The following HIP1 variants were observed in gnomAD, a reference collection of about 807,000 sequenced individuals.
HIP1 encodes huntingtin-interacting protein 1.
A neutral mutation model predicts 147.6 loss-of-function variants in HIP1; 65 were observed. That is an observed-to-expected ratio of 0.44 (90% confidence interval 0.36 to 0.54). HIP1 has a LOEUF of 0.54. Among genes scored for constraint, HIP1 ranks in the 20% least tolerant of loss-of-function variants. The probability of loss-of-function intolerance (pLI) is 0.00; values close to 1 mark genes in which losing one functional copy is unlikely to be tolerated. For missense variants in HIP1, 1,061 were observed against 1,299.6 expected, an observed-to-expected ratio of 0.82 and a Z score of 2.82; for synonymous variants, 479 against 504.0, an observed-to-expected ratio of 0.95 and a Z score of 0.67.
intron 1 of HIP1, among the ~76,000 whole-genome samples, chr7:75,704,017 C>T (rs1259226579): frequency 6.6e-6 from 1 of 152,236 alleles, no homozygotes; most frequent in African/African-American, 2.4e-5. Flanking sequence ...ACTCATGCAG[C>T]ATGGAAGCCC....
chr7:75,648,510 G>A (rs1193602619), intron 1 of HIP1, among the ~76,000 whole-genome samples: 4 of 152,146 alleles, frequency 2.6e-5, no homozygotes, highest in African/African-American at 7.2e-5. Flanking sequence ...ATTAAACACA[G>A]GTGTCCATGG....
chr7:75,698,555 T>C (rs1800709594), intron 1 of HIP1, among the ~76,000 whole-genome samples: 2 of 152,090 alleles, frequency 1.3e-5, no homozygotes, highest in Admixed American at 1.3e-4. Context: ...TGGTGGCTTG[T>C]GACTGTAATC....
At chr7:75,608,465 C>T (rs1017194469) in intron 1 of HIP1, among the ~76,000 whole-genome samples, 7 of 152,110 alleles carry the variant, frequency 4.6e-5, no homozygotes, top group African/African-American at 9.7e-5. Context: ...TAAGGCCATG[C>T]GTGAAACACT....
intron 1 of HIP1, among the ~76,000 whole-genome samples, chr7:75,612,208 G>A (rs1797465735): frequency 6.6e-6 from 1 of 152,082 alleles, no homozygotes; most frequent in African/African-American, 2.4e-5. Flanking sequence ...GAAAGGAGAA[G>A]GGCAAAACAA....
rs587735560 is a variant in HIP1 at position 75,567,043 on chromosome 7, C to T, written c.803+1156G>A. On this transcript the variant is annotated intron_variant, in intron 9 of 30. Coordinates refer to ENST00000336926, the MANE Select transcript of HIP1 (RefSeq NM_005338.7). Reference sequence around the variant, plus strand: ...AGGAGAATCACTGGAGATGGGGAGGCTGAGGTTGCAGTAAGCCAAGATCAC... The same window carrying T: ...AGGAGAATCACTGGAGATGGGGAGGTTGAGGTTGCAGTAAGCCAAGATCAC... Among the ~76,000 whole-genome samples, 306 of 151,188 alleles carry T rather than the reference C, an allele frequency of 2.0e-3. 2 individuals carry two copies. The highest frequency in any genetic ancestry group is 3.8e-3 in the Non-Finnish European group (259 of 67,992).
At chr7:75,693,036 G>C (rs1230944660) in intron 1 of HIP1, among the ~76,000 whole-genome samples, 1 of 151,596 alleles carries the variant, frequency 6.6e-6, no homozygotes, top group East Asian at 2.0e-4. Flanking sequence ...GTGGTGCTAC[G>C]CGCCTGTAAT....
intron 25 of HIP1, 149 bp downstream of exon 25, chr7:75,546,789 TC>T: frequency 1.7e-6 from 1 of 594,328 alleles, no homozygotes; most frequent in Non-Finnish European, 2.9e-6. Context: ...CTCTGACTTC[TC>T]CCCAGGGCCT....
chr7:75,538,138 G>C lies in HIP1; in HGVS notation c.*34C>G. The C allele has an allele frequency of 6.4e-7, 1 of 1,568,956 alleles. No individual in the cohort carries two copies. On this transcript the variant is annotated 3_prime_UTR_variant, in exon 31 of 31. Transcript: ENST00000336926. ...TAACACACACGAGATAGGTAACAAG[G>C]ATTTACACTGACATATGGGGTGTTG...
chr7:75,671,314 A>G (rs2705823), intron 1 of HIP1, among the ~76,000 whole-genome samples: 85,960 of 151,924 alleles, frequency 0.57, 24,810 homozygotes, highest in African/African-American at 0.66. Context: ...GGCTGGTCTC[A>G]AACTCCTGAC....
intron 8 of HIP1, among the ~76,000 whole-genome samples, chr7:75,571,236 A>G (rs1795620798): frequency 6.6e-6 from 1 of 152,050 alleles, no homozygotes; most frequent in Non-Finnish European, 1.5e-5. Context: ...TTAACTCCCC[A>G]TTTTACAAAA....
At chr7:75,556,203 C>T (rs1794999366) in intron 17 of HIP1, 34 bp from the exon 18 acceptor site, 2 of 1,609,422 alleles carry the variant, frequency 1.2e-6, no homozygotes, top group African/African-American at 2.7e-5. Context: ...GAGGGAGACG[C>T]TGGTTGAGTT....
intron 1 of HIP1, among the ~76,000 whole-genome samples, chr7:75,647,952 G>A (rs1278987794): frequency 5.3e-5 from 8 of 152,284 alleles, no homozygotes; most frequent in South Asian, 2.1e-4. Context: ...CAGATACACA[G>A]GGAGGGTGAG....
rs10046542 is a variant in HIP1 at position 75,553,301 on chromosome 7, C to T, written c.2295+152G>A. ...GATTACACGCATAAATCACTGCACC[C>T]GGCCAGATTTTCCAATTTTAACAAT... is the stretch of plus-strand genomic sequence containing the variant. On this transcript the variant is annotated intron_variant, in intron 22 of 30. Transcript: ENST00000336926. 1,109 of 990,146 alleles carry T rather than the reference C, an allele frequency of 1.1e-3. 5 individuals carry two copies. In the African/African-American group the frequency reaches 0.015, roughly 14 times the overall value. 61.3% of individuals were successfully genotyped at this position (990,146 alleles called of 1,614,324 possible). A position where few individuals can be genotyped will look rare whatever the true frequency, so the allele number is the denominator to read the frequency against.
At chr7:75,678,360 T>TTA (rs71098061) in intron 1 of HIP1, among the ~76,000 whole-genome samples, 1 of 127,574 alleles carries the variant, frequency 7.8e-6, no homozygotes, top group Non-Finnish European at 1.6e-5. Flanking sequence ...TTTTTTTTTT[T>TTA]TGAGACAGCA....
Position 75,550,941 on chromosome 7 carries a change from T to C in HIP1, c.2296-1940A>G, listed in dbSNP as rs1051519401. Among the ~76,000 whole-genome samples the C allele has an allele frequency of 8.5e-5, 13 of 152,172 alleles. 1 individual carries two copies. Among genetic ancestry groups the C allele is most frequent in the Admixed American group, 7.9e-4 (12 of 15,258 alleles). Reference sequence around the variant, plus strand: ...ATATATGATCATAGGGGCAAATTAATAACAACCCAAACTGGAAATAACCCA... The same window carrying C: ...ATATATGATCATAGGGGCAAATTAACAACAACCCAAACTGGAAATAACCCA... On this transcript the variant is annotated intron_variant, in intron 22 of 30. Transcript: ENST00000336926.
chr7:75,538,246 T>C (rs200203249), intron 30 of HIP1, 22 bp from the exon 31 acceptor site: 7 of 1,603,414 alleles, frequency 4.4e-6, no homozygotes, highest in Admixed American at 1.7e-5. Flanking sequence ...TGATAATTTA[T>C]GTTGCAAAGC....
In HIP1 at chr7:75,592,540, G is replaced by A. The variant is rs373621025; in HGVS notation, c.185-26C>T. 26 of 1,605,640 alleles carry A rather than the reference G, an allele frequency of 1.6e-5. No individual in the cohort carries two copies. The African/African-American group carries it at 2.0e-4, about 12-fold the overall frequency. The stretch of plus-strand genomic sequence containing the variant: ...GTGAGGGGGGGTTATGGAAAACAAC[G>A]GATGGGCTCTGCCAGTCACTGCAGG... On this transcript the variant is annotated intron_variant, in intron 2 of 30. Coordinates refer to ENST00000336926, the MANE Select transcript of HIP1 (RefSeq NM_005338.7).
chr7:75,719,238 C>T (rs1329946486), intron 1 of HIP1, among the ~76,000 whole-genome samples: 2 of 152,100 alleles, frequency 1.3e-5, no homozygotes, highest in East Asian at 3.9e-4. Flanking sequence ...GGCGTGGTGG[C>T]TCATGCTTAT....
At chr7:75,728,502 C>G (rs1326205835) in intron 1 of HIP1, among the ~76,000 whole-genome samples, 3 of 152,236 alleles carry the variant, frequency 2.0e-5, no homozygotes, top group Non-Finnish European at 4.4e-5. Context: ...GCTGTGCCCG[C>G]TGCCACACCC....
Sources: allele counts gnomAD v4.1 joint callset (sites outside exome capture counted in the v4.1 genomes callset), GRCh38; gene constraint gnomAD v4.1.1; transcripts MANE v1.5; gene names NCBI Gene and HGNC (gene_info 2026-07-23, HGNC 2026-07-21).